NDFIP1: variants seen among roughly 807,000 people sequenced by gnomAD.
NDFIP1 encodes the protein Nedd4 family interacting protein 1, also known as NEDD4 family-interacting protein 1.
Under a neutral mutation model 28.8 loss-of-function variants are expected in NDFIP1, and 7 were observed. That is an observed-to-expected ratio of 0.24 (90% CI 0.14 to 0.46). NDFIP1 has a LOEUF of 0.46. Among genes scored for constraint, NDFIP1 ranks in the 20% least tolerant of loss-of-function variants. The pLI, the probability that NDFIP1 is intolerant of heterozygous loss-of-function variation, is 0.99. For synonymous variants in NDFIP1, 92 were observed against 101.0 expected (o/e 0.91, Z 0.53); for missense variants, 194 against 269.1 (o/e 0.72, Z 1.95).
chr5:142,120,962 G>T (rs1187934919), intron 1 of NDFIP1, among the ~76,000 whole-genome samples: 1 of 152,210 alleles, frequency 6.6e-6, no homozygotes, highest in Non-Finnish European at 1.5e-5. Flanking sequence ...ACCTGAGTAT[G>T]CTCTACTCCA....
intron 5 of NDFIP1, 137 bp downstream of exon 5, chr5:142,137,995 G>C: frequency 8.7e-7 from 1 of 1,144,936 alleles, no homozygotes; most frequent in Non-Finnish European, 1.2e-6. Context: ...GTGGTTTCAT[G>C]ATGAAGCTGA....
At chr5:142,129,265 C>T (rs1757201487) in intron 1 of NDFIP1, among the ~76,000 whole-genome samples, 1 of 152,120 alleles carries the variant, frequency 6.6e-6, no homozygotes, top group Non-Finnish European at 1.5e-5. Context: ...CTAAGAATAC[C>T]TTGCCAAGAG....
At chr5:142,143,163 A>T (rs902904833) in intron 6 of NDFIP1, 1 of 151,828 alleles carries the variant, frequency 6.6e-6, no homozygotes, top group Non-Finnish European at 1.5e-5. Context: ...AAGTTTTTTT[A>T]AATTAGTTGC....
intron 1 of NDFIP1, among the ~76,000 whole-genome samples, chr5:142,124,375 A>G (rs992306807): frequency 2.6e-5 from 4 of 152,332 alleles, no homozygotes; most frequent in African/African-American, 9.6e-5. Flanking sequence ...ACTTGGACCT[A>G]TGTAAAGAAT....
rs779597459 is a variant in NDFIP1 at position 142,152,262 on chromosome 5, A to G, written c.*534A>G. ...TGTATGAACACCTGGAAGCAAAATC[A>G]TAGTGCAAAAATACATTTAAGGTGT... is the stretch of plus-strand genomic sequence containing the variant. On this transcript the variant is annotated 3_prime_UTR_variant, in exon 8 of 8. Transcript: ENST00000253814. 7.2e-5 allele frequency: 11 copies of G among 152,796 alleles called. No homozygotes were observed. The highest frequency in any genetic ancestry group is 1.2e-4 in the African/African-American group (5 of 41,466). The allele number at this position is 152,796 out of a possible 1,614,324, so 9.5% of individuals were successfully genotyped here. A position where few individuals can be genotyped will look rare whatever the true frequency, so the allele number is the denominator to read the frequency against.
At position 142,137,710 on chromosome 5, in the gene NDFIP1, C is replaced by T. The variant is rs140733526; in HGVS notation, c.371-24C>T. The T allele has an allele frequency of 9.1e-3, 14,755 of 1,613,160 alleles. 109 individuals are homozygous for T. Among genetic ancestry groups the T allele is most frequent in the Non-Finnish European group, 0.011 (12,996 of 1,179,456 alleles). ...TTGGGTAACAGGACATGTCTAACAT[C>T]TTTCCCCTCCTCTGCTTTTGCAGTG... On this transcript the variant is annotated intron_variant, in intron 4 of 7. Coordinates refer to ENST00000253814, the MANE Select transcript of NDFIP1 (RefSeq NM_030571.4).
rs1420588850 is a variant in NDFIP1, at chr5:142,109,047, G to A, written c.63+10G>A. On this transcript the variant is annotated intron_variant, in intron 1 of 7. Coordinates refer to ENST00000253814, the MANE Select transcript of NDFIP1 (RefSeq NM_030571.4). ...CAGCCGGTACCAGCAGGTAAGCGGC[G>A]CCCGACTCCAGCCCCGAACTCCGGT... The A allele has an allele frequency of 1.4e-6, 2 of 1,409,908 alleles. No individual in the cohort carries two copies. Among genetic ancestry groups the A allele is most frequent in the Non-Finnish European group, 1.8e-6 (2 of 1,081,700 alleles). The allele number at this position is 1,409,908 out of a possible 1,614,324, so 87.3% of individuals were successfully genotyped here.
At chr5:142,115,861 T>C (rs1320530157) in intron 1 of NDFIP1, among the ~76,000 whole-genome samples, 1 of 152,002 alleles carries the variant, frequency 6.6e-6, no homozygotes, top group Non-Finnish European at 1.5e-5. Context: ...AGATTGAAAA[T>C]AGGGGAAAAT....
intron 3 of NDFIP1, 23 bp downstream of exon 3, chr5:142,132,365 C>T (rs1561601818): frequency 6.2e-7 from 1 of 1,604,062 alleles, no homozygotes; most frequent in Non-Finnish European, 8.5e-7. Flanking sequence ...TGCCATGTTA[C>T]TTGATGGCTG....
intron 7 of NDFIP1, among the ~76,000 whole-genome samples, chr5:142,146,811 G>A (rs913164210): frequency 2.0e-5 from 3 of 152,152 alleles, no homozygotes; most frequent in African/African-American, 4.8e-5. Context: ...AAGCCTGAAC[G>A]TCTCAGTTTT....
At chr5:142,125,926 A>G (rs1757165652) in intron 1 of NDFIP1, among the ~76,000 whole-genome samples, 1 of 152,192 alleles carries the variant, frequency 6.6e-6, no homozygotes, top group African/African-American at 2.4e-5. Context: ...TGTCTGTTCA[A>G]ATCATTTGCC....
intron 1 of NDFIP1, among the ~76,000 whole-genome samples, chr5:142,131,146 GGTTT>G (rs1757223395): frequency 6.6e-6 from 1 of 151,840 alleles, no homozygotes; most frequent in South Asian, 2.1e-4. Flanking sequence ...GTAGAGACAG[GGTTT>G]GTTTTGCCAT....
chr5:142,147,520 AT>A (rs1468143919), intron 7 of NDFIP1, among the ~76,000 whole-genome samples: 6 of 152,146 alleles, frequency 3.9e-5, no homozygotes, highest in African/African-American at 1.2e-4. Flanking sequence ...GTCTATTTGT[AT>A]TGATGGATTT....
intron 7 of NDFIP1, among the ~76,000 whole-genome samples, chr5:142,149,434 C>CT (rs10684292): frequency 0.49 from 55,624 of 114,646 alleles, 14,323 homozygotes; most frequent in Admixed American, 0.55. Context: ...TATTGGATTC[C>CT]TTTTTTTTTT....
chr5:142,118,527 A>G (rs1344189705), intron 1 of NDFIP1, among the ~76,000 whole-genome samples: 1 of 152,156 alleles, frequency 6.6e-6, no homozygotes, highest in Non-Finnish European at 1.5e-5. Flanking sequence ...ATGACTTATC[A>G]TTGTTGACAT....
At chr5:142,137,520 A>T (rs990503942) in intron 4 of NDFIP1, among the ~76,000 whole-genome samples, 1 of 152,066 alleles carries the variant, frequency 6.6e-6, no homozygotes, top group Non-Finnish European at 1.5e-5. Flanking sequence ...CAGTAGACAT[A>T]AGTGTGTAAA....
intron 3 of NDFIP1, 63 bp downstream of exon 3, chr5:142,132,405 C>G: frequency 6.4e-7 from 1 of 1,555,648 alleles, no homozygotes; most frequent in Non-Finnish European, 8.7e-7. Flanking sequence ...TTTTCATTAT[C>G]CAATTTTGAT....
intron 7 of NDFIP1, among the ~76,000 whole-genome samples, chr5:142,145,752 A>G (rs1400485730): frequency 6.6e-6 from 1 of 152,122 alleles, no homozygotes; most frequent in Non-Finnish European, 1.5e-5. Context: ...TTTCTCAGAT[A>G]CCTTGAGCAC....
chr5:142,119,995 G>T (rs575125854), intron 1 of NDFIP1, among the ~76,000 whole-genome samples: 34 of 152,282 alleles, frequency 2.2e-4, no homozygotes, highest in Admixed American at 6.5e-4. Flanking sequence ...TCGCTCTGTT[G>T]TCCAGGCTGG....
Sources: gnomAD v4.1 joint callset for allele counts (sites outside exome capture counted in the v4.1 genomes callset) on GRCh38, gnomAD v4.1.1 for gene constraint, MANE v1.5 for transcripts, NCBI Gene and HGNC (gene_info 2026-07-23, HGNC 2026-07-21) for gene names.